Variants in CDK14 observed in about 807,000 individuals in gnomAD.
CDK14 encodes the protein cyclin dependent kinase 14.
CDK14 carries 34 observed loss-of-function variants against 60.7 expected under a neutral mutation model. That is an observed-to-expected ratio of 0.56 (90% CI 0.43 to 0.75). The LOEUF (loss-of-function observed/expected upper bound fraction) is 0.75. Among genes scored for constraint, CDK14 ranks in the 30% least tolerant of loss-of-function variants. CDK14 has a pLI of 0.00. For synonymous variants in CDK14, 197 were observed against 203.7 expected, an observed-to-expected ratio of 0.97 and a Z score of 0.28; for missense variants, 482 against 564.1, an observed-to-expected ratio of 0.85 and a Z score of 1.47.
chr7:90,978,557 C>G (rs1795139782), intron 9 of CDK14, among the ~76,000 whole-genome samples: 1 of 152,044 alleles, frequency 6.6e-6, no homozygotes, highest in Non-Finnish European at 1.5e-5. Flanking sequence ...GCTTCCCTGT[C>G]TTCTAAATAT....
At chr7:90,875,948 T>C (rs531062650) in intron 6 of CDK14, among the ~76,000 whole-genome samples, 1 of 152,200 alleles carries the variant, frequency 6.6e-6, no homozygotes. Context: ...TTCTTACTAA[T>C]ATTTTCTCAC....
chr7:90,849,473 C>T (rs1035657315), intron 5 of CDK14, among the ~76,000 whole-genome samples: 1 of 151,918 alleles, frequency 6.6e-6, no homozygotes, highest in Admixed American at 6.6e-5. Context: ...TTATCTTGGA[C>T]AAAGTGGTGT....
chr7:90,879,568 T>C (rs12538558), intron 6 of CDK14, among the ~76,000 whole-genome samples: 11,271 of 152,062 alleles, frequency 0.074, 512 homozygotes, highest in Middle Eastern at 0.13. Flanking sequence ...TCAAAATTGA[T>C]GTGAAGGTTT....
chr7:91,119,821 T>TA (rs767975689), intron 14 of CDK14, among the ~76,000 whole-genome samples: 5 of 152,166 alleles, frequency 3.3e-5, no homozygotes, highest in Admixed American at 6.5e-5. Context: ...ATGTTACTGT[T>TA]AAACTTGCCA....
intron 11 of CDK14, among the ~76,000 whole-genome samples, chr7:91,066,816 A>T (rs1318029456): frequency 6.6e-6 from 1 of 152,186 alleles, no homozygotes; most frequent in Non-Finnish European, 1.5e-5. Context: ...GTCACTTAGC[A>T]AGTGATTTCT....
intron 5 of CDK14, among the ~76,000 whole-genome samples, chr7:90,819,485 G>GT (rs898527048): frequency 1.4e-3 from 199 of 143,552 alleles, no homozygotes; most frequent in Admixed American, 1.6e-3. Flanking sequence ...TCCCTTTGGA[G>GT]TTTTTTTTTT....
chr7:90,647,937 T>G (rs1051547508), intron 2 of CDK14, among the ~76,000 whole-genome samples: 1 of 152,208 alleles, frequency 6.6e-6, no homozygotes, highest in Non-Finnish European at 1.5e-5. Context: ...TCAGGAGCAA[T>G]GCATGTTTAC....
At chr7:90,596,757 T>A in intron 1 of CDK14, 39 bp downstream of exon 1, 2 of 1,533,150 alleles carry the variant, frequency 1.3e-6, no homozygotes, top group Non-Finnish European at 1.8e-6. Flanking sequence ...CAGCGCCCGC[T>A]CCCCTCGGCC....
intron 14 of CDK14, among the ~76,000 whole-genome samples, chr7:91,150,160 A>C (rs914746804): frequency 6.6e-6 from 1 of 152,230 alleles, no homozygotes; most frequent in South Asian, 2.1e-4. Context: ...CCAAAAAATT[A>C]CAACATCTTC....
chr7:90,993,854 T>C (rs1047972579), intron 10 of CDK14, among the ~76,000 whole-genome samples: 1 of 152,228 alleles, frequency 6.6e-6, no homozygotes, highest in Non-Finnish European at 1.5e-5. Flanking sequence ...TAAGCTTTTA[T>C]ATCTTCCTAC....
At chr7:90,890,414 A>G (rs925680082) in intron 6 of CDK14, among the ~76,000 whole-genome samples, 1 of 152,144 alleles carries the variant, frequency 6.6e-6, no homozygotes, top group African/African-American at 2.4e-5. Context: ...AGGTAGACAG[A>G]TAGAGCCCCT....
chr7:90,599,535 A>G (rs961053371), intron 1 of CDK14, among the ~76,000 whole-genome samples: 2 of 152,222 alleles, frequency 1.3e-5, no homozygotes, highest in Non-Finnish European at 2.9e-5. Flanking sequence ...CGGATAAAAC[A>G]CCTGAAAAAT....
At chr7:90,912,024 A>G (rs1562824876) in intron 7 of CDK14, among the ~76,000 whole-genome samples, 1 of 152,140 alleles carries the variant, frequency 6.6e-6, no homozygotes, top group Non-Finnish European at 1.5e-5. Context: ...TTTCATTACT[A>G]TTTAAGACAA....
At chr7:90,969,680 G>T (rs1794862040) in intron 9 of CDK14, among the ~76,000 whole-genome samples, 1 of 152,134 alleles carries the variant, frequency 6.6e-6, no homozygotes, top group Non-Finnish European at 1.5e-5. Context: ...GCCGTTATTG[G>T]TAGAGTTTTA....
chr7:91,018,017 A>G (rs974735392), intron 10 of CDK14, among the ~76,000 whole-genome samples: 2 of 152,244 alleles, frequency 1.3e-5, no homozygotes, highest in Non-Finnish European at 2.9e-5. Flanking sequence ...TAAAAGAGGC[A>G]TGGGGGACAG....
At chr7:91,027,541 C>G (rs1015838320) in intron 10 of CDK14, among the ~76,000 whole-genome samples, 1 of 152,064 alleles carries the variant, frequency 6.6e-6, no homozygotes, top group Non-Finnish European at 1.5e-5. Context: ...AATACTGATT[C>G]TTGACCCACA....
intron 11 of CDK14, among the ~76,000 whole-genome samples, chr7:91,051,737 T>A (rs963805738): frequency 2.0e-5 from 3 of 152,168 alleles, no homozygotes; most frequent in Admixed American, 6.5e-5. Context: ...AACAGGAGGC[T>A]TTTGCATAAG....
chr7:90,830,059 A>T (rs1789865346), intron 5 of CDK14, among the ~76,000 whole-genome samples: 1 of 152,160 alleles, frequency 6.6e-6, no homozygotes, highest in South Asian at 2.1e-4. Context: ...GGTCTGGAGA[A>T]CAGCGGCCTT....
In CDK14 at chr7:90,874,503, C is replaced by CTTTTTTTTTTT. The variant is rs747439482; in HGVS notation, c.639+11260_639+11270dup. Among the ~76,000 whole-genome samples, 31 of 48,006 alleles carry CTTTTTTTTTTT rather than the reference C, an allele frequency of 6.5e-4. 11 individuals carry two copies. The highest frequency in any genetic ancestry group is 2.4e-3 in the East Asian group (2 of 834). The allele number at this position is 48,006 out of a possible 152,430, so 31.5% of individuals were successfully genotyped here. A position where few individuals can be genotyped will look rare whatever the true frequency, so the allele number is the denominator to read the frequency against. ...ATCTGGAATCTCATGTCCTTTCATC[C>CTTTTTTTTTTT]TTTTTTTTTTTTTTTTTTTTTTTTT... On this transcript the variant is annotated intron_variant, in intron 6 of 14. Coordinates refer to ENST00000380050, the MANE Select transcript of CDK14 (RefSeq NM_001287135.2).
Sources: allele counts gnomAD v4.1 joint callset (sites outside exome capture counted in the v4.1 genomes callset), GRCh38; gene constraint gnomAD v4.1.1; transcripts MANE v1.5; gene names NCBI Gene and HGNC (gene_info 2026-07-23, HGNC 2026-07-21).